RGS3: variants seen among roughly 807,000 people sequenced by gnomAD.
RGS3 encodes the protein regulator of G protein signaling 3.
A neutral mutation model predicts 132.6 loss-of-function variants in RGS3; 80 were observed. The observed-to-expected ratio is 0.60, with a 90% CI of 0.50 to 0.73. The LOEUF (loss-of-function observed/expected upper bound fraction) is 0.73, where lower values mean the gene tolerates loss of function less well. Among genes scored for constraint, RGS3 ranks in the 30% least tolerant of loss-of-function variants. The probability of loss-of-function intolerance (pLI) is 0.00; values close to 1 mark genes in which losing one functional copy is unlikely to be tolerated. For missense variants in RGS3, 1,382 were observed against 1,530.8 expected, an observed-to-expected ratio of 0.90 and a Z score of 1.62; for synonymous variants, 598 against 620.6, an observed-to-expected ratio of 0.96 and a Z score of 0.54.
At chr9:113,586,225 C>T (rs531529283) in intron 20 of RGS3, among the ~76,000 whole-genome samples, 1 of 152,218 alleles carries the variant, frequency 6.6e-6, no homozygotes, top group Non-Finnish European at 1.5e-5. Context: ...CAGGCCTGGC[C>T]ACTCCTCTTT....
At chr9:113,594,586 G>T (rs901296628) in intron 22 of RGS3, 55 bp downstream of exon 20, 212 of 1,389,362 alleles carry the variant, frequency 1.5e-4, no homozygotes, top group Non-Finnish European at 2.1e-4. Context: ...GCTCCCCGGG[G>T]AGTAGGACTG....
At position 113,583,507 on chromosome 9, in the gene RGS3, C is replaced by T. The variant is rs1287067417; in HGVS notation, c.2095C>T (p.Pro699Ser). 6 of 1,614,222 alleles carry T rather than the reference C, an allele frequency of 3.7e-6. No homozygotes were observed. The African/African-American group carries it at 5.3e-5, about 14-fold the overall frequency. ...GATGGCCTTGGAGGAAGGGAAGGGG[C>T]CTGGTGCCGAGGATTCCCCACCCAG... The change falls in exon 20 of 25, where the codon CCT (proline) becomes TCT (serine). Residue 699 changes from proline to serine, a missense_variant. Transcript: ENST00000350696.
chr9:113,516,105 G>A (rs982640796), intron 15 of RGS3, among the ~76,000 whole-genome samples: 1 of 152,198 alleles, frequency 6.6e-6, no homozygotes, highest in Non-Finnish European at 1.5e-5. Context: ...CTTATCAGCA[G>A]CATAGACATG....
At chr9:113,553,312 A>G (rs1833415455) in intron 19 of RGS3, among the ~76,000 whole-genome samples, 1 of 149,824 alleles carries the variant, frequency 6.7e-6, no homozygotes, top group Non-Finnish European at 1.5e-5. Flanking sequence ...GCATGGTGGC[A>G]TGTGCCTGGA....
At chr9:113,494,515 T>A (rs1322946698) in intron 7 of RGS3, among the ~76,000 whole-genome samples, 1 of 152,232 alleles carries the variant, frequency 6.6e-6, no homozygotes, top group African/African-American at 2.4e-5. Flanking sequence ...AGTGCTGACT[T>A]GGCCACTTCC....
At chr9:113,520,187 G>A (rs966370187) in intron 16 of RGS3, among the ~76,000 whole-genome samples, 5 of 152,196 alleles carry the variant, frequency 3.3e-5, no homozygotes, top group Non-Finnish European at 5.9e-5. Context: ...GGTGACCCCC[G>A]TGGCCTGTGG....
At chr9:113,501,009 T>A (rs1039561549) in intron 10 of RGS3, among the ~76,000 whole-genome samples, 1 of 152,110 alleles carries the variant, frequency 6.6e-6, no homozygotes, top group African/African-American at 2.4e-5. Flanking sequence ...TTTTAAGTAG[T>A]TTCCAAGTGG....
chr9:113,530,963 C>T (rs1832436605), intron 18 of RGS3, among the ~76,000 whole-genome samples: 1 of 152,244 alleles, frequency 6.6e-6, no homozygotes, highest in Non-Finnish European at 1.5e-5. Context: ...TTAGTTGGAA[C>T]TTCTGACAAG....
chr9:113,558,299 C>G (rs758576413), intron 19 of RGS3, among the ~76,000 whole-genome samples: 1 of 152,120 alleles, frequency 6.6e-6, no homozygotes, highest in East Asian at 1.9e-4. Flanking sequence ...GTCAGGAGTT[C>G]GAGACCAGCC....
At chr9:113,597,519 C>T (rs2119083499) in exon 25 of RGS3, 1 of 152,902 alleles carries the variant, frequency 6.5e-6, no homozygotes, top group South Asian at 2.1e-4. Flanking sequence ...CACCATTCTC[C>T]AGCTTCAGGG....
chr9:113,452,921 T>A, intron 1 of RGS3, among the ~76,000 whole-genome samples: 1 of 136,580 alleles, frequency 7.3e-6, no homozygotes, highest in South Asian at 2.1e-4. Flanking sequence ...TATATATTTA[T>A]ATATAATATA....
At chr9:113,505,355 G>A (rs1831081911) in intron 10 of RGS3, 87 bp from the exon 9 acceptor site, 3 of 1,171,756 alleles carry the variant, frequency 2.6e-6, no homozygotes, top group East Asian at 4.8e-5. Flanking sequence ...GTGGCTCTTG[G>A]CAGGGGTGGG....
In RGS3 at chr9:113,463,710, C is replaced by T. The variant is rs1256206598; in HGVS notation, c.415+1509C>T. 5.1e-5 allele frequency: 74 copies of T among 1,451,226 alleles called. No homozygotes were observed. Among genetic ancestry groups the T allele is most frequent in the Non-Finnish European group, 6.5e-5 (72 of 1,102,672 alleles). The allele number at this position is 1,451,226 out of a possible 1,614,324, so 89.9% of individuals were successfully genotyped here. A position where few individuals can be genotyped will look rare whatever the true frequency, so the allele number is the denominator to read the frequency against. On this transcript the variant is annotated intron_variant, in intron 3 of 24. Transcript: ENST00000350696. The surrounding 1 kb of genome is among the most constrained non-coding windows in gnomAD (Gnocchi z 4.6). ...GCTTGGGGCAGCCCTACCTCCCGCT[C>T]GCGCTCCTCCCGCCCTGGAGACTCC...
At chr9:113,466,472 C>T (rs1829647393) in intron 3 of RGS3, among the ~76,000 whole-genome samples, 1 of 152,210 alleles carries the variant, frequency 6.6e-6, no homozygotes, top group Non-Finnish European at 1.5e-5. Context: ...ATGAACACAA[C>T]CCCTTGTCCC....
intron 18 of RGS3, among the ~76,000 whole-genome samples, chr9:113,533,028 G>GT (rs1253582057): frequency 3.3e-5 from 5 of 152,194 alleles, no homozygotes; most frequent in Non-Finnish European, 5.9e-5. Flanking sequence ...ACCTCCCCAG[G>GT]TGTTGGAGAT....
intron 14 of RGS3, among the ~76,000 whole-genome samples, chr9:113,514,218 T>C (rs185672505): frequency 2.6e-5 from 4 of 152,356 alleles, no homozygotes; most frequent in Non-Finnish European, 5.9e-5. Flanking sequence ...AGCGCTGTGC[T>C]AGCCCTGGAC....
intron 20 of RGS3, among the ~76,000 whole-genome samples, chr9:113,590,578 A>G (rs538167171): frequency 2.2e-4 from 33 of 151,712 alleles, no homozygotes; most frequent in Non-Finnish European, 4.3e-4. Context: ...CCATCCATCC[A>G]TCCATCCATC....
Position 113,507,635 on chromosome 9 carries a change from C to T in RGS3, c.1434C>T (p.Ser478=). ...TCCTGGCCCCGCTGAATCCTGGGAG[C>T]CAGGTACGGACAGCTGGTGTGGGGA... is the stretch of plus-strand genomic sequence containing the variant. The change falls in exon 13 of 25, where the codon AGC becomes AGT. Residue 478 remains serine, a synonymous_variant. Coordinates refer to ENST00000350696, the Ensembl canonical transcript of RGS3. The surrounding 1 kb of genome is among the most constrained non-coding windows in gnomAD (Gnocchi z 5.0). The T allele has an allele frequency of 6.8e-7, 1 of 1,462,216 alleles. No individual in the cohort carries two copies. The allele number at this position is 1,462,216 out of a possible 1,614,324, so 90.6% of individuals were successfully genotyped here. A position where few individuals can be genotyped will look rare whatever the true frequency, so the allele number is the denominator to read the frequency against.
At position 113,518,696 on chromosome 9, in the gene RGS3, G is replaced by C. The variant is rs74602321; in HGVS notation, c.1758+1072G>C. Among the ~76,000 whole-genome samples, 12 of 152,260 alleles carry C rather than the reference G, an allele frequency of 7.9e-5. No individual in the cohort carries two copies. The East Asian group carries it at 2.1e-3, about 27-fold the overall frequency. On this transcript the variant is annotated intron_variant, in intron 16 of 24. Transcript: ENST00000350696. ...CTTCCACCGCTCGCTGTTGCCTACT[G>C]TATTTCTGGACCTCCTCTTTTCCGA...
Sources: gnomAD v4.1 joint callset for allele counts (sites outside exome capture counted in the v4.1 genomes callset) on GRCh38, gnomAD v4.1.1 for gene constraint, Gnocchi (gnomAD v3.1) non-coding constraint, MANE v1.5 for transcripts, NCBI Gene and HGNC (gene_info 2026-07-23, HGNC 2026-07-21) for gene names.